KHDC1: variants seen among roughly 807,000 people sequenced by gnomAD.
KHDC1 encodes the protein KH domain containing 1, also known as KH homology domain-containing protein 1.
KHDC1 carries 21 observed loss-of-function variants against 24.7 expected under a neutral mutation model. That is an observed-to-expected ratio of 0.85 (90% confidence interval 0.60 to 1.23). The LOEUF (loss-of-function observed/expected upper bound fraction) is 1.23. Among genes scored for constraint, KHDC1 ranks in the 50% most tolerant of loss-of-function variants. KHDC1 has a pLI of 0.00. For missense variants in KHDC1, 274 were observed against 298.5 expected (o/e 0.92, Z 0.61); for synonymous variants, 98 against 111.7 (o/e 0.88, Z 0.77).
chr6:73,257,844 A>G (rs1049348505), intron 2 of KHDC1, among the ~76,000 whole-genome samples: 4 of 152,180 alleles, frequency 2.6e-5, no homozygotes, highest in Non-Finnish European at 5.9e-5. Context: ...ATGGTAGCTC[A>G]CACCTGTAAT....
Position 73,262,767 on chromosome 6 carries a change from G to A in KHDC1, c.207-20237C>T. 1 of 985,430 alleles carries A rather than the reference G, an allele frequency of 1.0e-6. No individual in the cohort carries two copies. Among genetic ancestry groups the A allele is most frequent in the African/African-American group, 1.7e-5 (1 of 57,352 alleles). 61.0% of individuals were successfully genotyped at this position (985,430 alleles called of 1,614,324 possible). On this transcript the variant is annotated intron_variant, in intron 2 of 4. Transcript: ENST00000370384. ...AAGAAATGTGCAAGATCTAGATGAAGACCCACCAGATAGGATGCTCTCTTG... is the reference window on the plus strand; with the variant it reads ...AAGAAATGTGCAAGATCTAGATGAAAACCCACCAGATAGGATGCTCTCTTG...
At chr6:73,282,079 G>A (rs915925515) in intron 2 of KHDC1, among the ~76,000 whole-genome samples, 9 of 151,592 alleles carry the variant, frequency 5.9e-5, no homozygotes, top group Non-Finnish European at 8.8e-5. Flanking sequence ...TTAGCCGGGC[G>A]TGGTGGCATG....
intron 1 of KHDC1, among the ~76,000 whole-genome samples, chr6:73,297,682 A>T (rs879306239): frequency 1.3e-5 from 2 of 152,200 alleles, no homozygotes; most frequent in Non-Finnish European, 2.9e-5. Context: ...AACAAAATCA[A>T]TGTATATGCT....
intron 2 of KHDC1, chr6:73,291,307 C>A: frequency 4.7e-6 from 1 of 213,344 alleles, no homozygotes; most frequent in South Asian, 7.3e-5. Context: ...ATGGAAATAA[C>A]GCTGATGGAA....
intron 1 of KHDC1, among the ~76,000 whole-genome samples, chr6:73,305,049 C>T (rs1017719248): frequency 5.9e-5 from 9 of 152,008 alleles, no homozygotes; most frequent in African/African-American, 2.2e-4. Context: ...ACCAGCCTGG[C>T]CAATATGGTG....
chr6:73,250,723 G>A (rs1300691792), intron 2 of KHDC1, among the ~76,000 whole-genome samples: 9 of 152,258 alleles, frequency 5.9e-5, no homozygotes, highest in African/African-American at 2.2e-4. Context: ...CTCCAAGGAG[G>A]GACAATGAAC....
chr6:73,291,568 CCTT>C (rs1393222793), intron 2 of KHDC1, among the ~76,000 whole-genome samples: 3 of 152,034 alleles, frequency 2.0e-5, no homozygotes, highest in African/African-American at 4.8e-5. Context: ...TTCAAGCAAT[CCTT>C]CTGCCTCAGC....
intron 2 of KHDC1, among the ~76,000 whole-genome samples, chr6:73,248,270 A>T (rs746095202): frequency 1.3e-5 from 2 of 152,104 alleles, no homozygotes; most frequent in African/African-American, 2.4e-5. Flanking sequence ...CAGTCCTGAG[A>T]TTGAGAGCGT....
chr6:73,258,712 T>C (rs1766925933), intron 2 of KHDC1, among the ~76,000 whole-genome samples: 1 of 152,238 alleles, frequency 6.6e-6, no homozygotes, highest in African/African-American at 2.4e-5. Context: ...AAAGCACTTC[T>C]GTGTGACCTC....
chr6:73,309,947 G>A, exon 1 of KHDC1: 1 of 492,916 alleles, frequency 2.0e-6, no homozygotes, highest in Non-Finnish European at 3.6e-6. Flanking sequence ...ACATGCGGCT[G>A]GCAAGACGTC....
intron 1 of KHDC1, among the ~76,000 whole-genome samples, chr6:73,302,905 G>A (rs559748137): frequency 2.0e-5 from 3 of 152,052 alleles, no homozygotes; most frequent in South Asian, 2.1e-4. Flanking sequence ...AGTGAAACCC[G>A]GTCTCTACTA....
At chr6:73,258,503 C>T (rs1327641393) in intron 2 of KHDC1, among the ~76,000 whole-genome samples, 1 of 152,150 alleles carries the variant, frequency 6.6e-6, no homozygotes, top group Non-Finnish European at 1.5e-5. Flanking sequence ...AGGTCTCCTA[C>T]TACTGCTTGA....
chr6:73,301,199 G>A (rs1304107418), intron 1 of KHDC1: 1 of 151,434 alleles, frequency 6.6e-6, no homozygotes, highest in African/African-American at 2.4e-5. Flanking sequence ...CAGCCTGGGC[G>A]ACAGAGCGAG....
chr6:73,241,436 A>G, exon 5 of KHDC1: 1 of 1,256,248 alleles, frequency 8.0e-7, no homozygotes, highest in Non-Finnish European at 1.2e-6. Flanking sequence ...CACAAGTTCA[A>G]ACTTTCCTCA....
At chr6:73,241,454 T>C in exon 5 of KHDC1, 1 of 1,419,872 alleles carries the variant, frequency 7.0e-7, no homozygotes, top group Non-Finnish European at 9.9e-7. Flanking sequence ...TCAGTGTCTA[T>C]CATGTCTTTC....
chr6:73,250,250 C>T (rs1766753891), intron 2 of KHDC1, among the ~76,000 whole-genome samples: 1 of 152,110 alleles, frequency 6.6e-6, no homozygotes, highest in South Asian at 2.1e-4. Flanking sequence ...CAATTTAATT[C>T]CAGGTGATTA....
chr6:73,261,812 T>A (rs540319101), intron 2 of KHDC1, among the ~76,000 whole-genome samples: 1 of 150,990 alleles, frequency 6.6e-6, no homozygotes, highest in South Asian at 2.1e-4. Flanking sequence ...CTCGGGAGGC[T>A]GAGGCAGGAG....
chr6:73,250,635 T>G (rs1455650801), intron 2 of KHDC1, among the ~76,000 whole-genome samples: 1 of 152,268 alleles, frequency 6.6e-6, no homozygotes, highest in Non-Finnish European at 1.5e-5. Flanking sequence ...TATTTGCTGT[T>G]CAAATCATGC....
intron 2 of KHDC1, chr6:73,263,165 C>G: frequency 1.0e-6 from 1 of 987,044 alleles, no homozygotes; most frequent in South Asian, 4.5e-5. Flanking sequence ...CGGCTCGCGC[C>G]GCGGCCGCGC....
Sources: gnomAD v4.1 joint callset for allele counts (sites outside exome capture counted in the v4.1 genomes callset) on GRCh38, gnomAD v4.1.1 for gene constraint, MANE v1.5 for transcripts, NCBI Gene and HGNC (gene_info 2026-07-23, HGNC 2026-07-21) for gene names.